COL28A1: variants seen among roughly 807,000 people sequenced by gnomAD.
The protein encoded by COL28A1 is collagen alpha-1(XXVIII) chain.
A neutral mutation model predicts 150.2 loss-of-function variants in COL28A1; 161 were observed. The ratio of observed to expected loss-of-function variants is 1.07; its 90% CI spans 0.94 to 1.22. COL28A1 has a LOEUF of 1.22. COL28A1 is among the 50% of genes most tolerant of loss of function. The probability of loss-of-function intolerance (pLI) is 0.00; values close to 1 mark genes in which losing one functional copy is unlikely to be tolerated. For missense variants in COL28A1, 1,617 were observed against 1,388.3 expected (o/e 1.16, Z -2.62); for synonymous variants, 552 against 469.7 (o/e 1.18, Z -2.26).
At chr7:7,352,324 T>C (rs2128274735), downstream of COL28A1, among the ~76,000 whole-genome samples, 1 of 152,310 alleles carries the variant, frequency 6.6e-6, no homozygotes, top group East Asian at 1.9e-4. Flanking sequence ...GACACAGCTG[T>C]TGTGGCAGAT....
At chr7:7,444,564 T>C in intron 18 of COL28A1, 75 bp from the exon 19 acceptor site, 6 of 1,408,638 alleles carry the variant, frequency 4.3e-6, no homozygotes, top group Non-Finnish European at 5.9e-6. Flanking sequence ...TGGATGTATC[T>C]TACAGTGTCT....
At chr7:7,451,045 G>C (rs1255806587) in intron 18 of COL28A1, among the ~76,000 whole-genome samples, 2 of 152,106 alleles carry the variant, frequency 1.3e-5, no homozygotes, top group Non-Finnish European at 2.9e-5. Flanking sequence ...GATTATGTGT[G>C]AGGAGAGAAG....
At chr7:7,353,954 T>C (rs189054758), downstream of COL28A1, among the ~76,000 whole-genome samples, 37 of 152,126 alleles carry the variant, frequency 2.4e-4, no homozygotes, top group Non-Finnish European at 2.8e-4. Context: ...ACAAAAAATA[T>C]GGTAAAGGCT....
At chr7:7,416,593 T>G (rs1265093455) in intron 27 of COL28A1, among the ~76,000 whole-genome samples, 1 of 152,190 alleles carries the variant, frequency 6.6e-6, no homozygotes, top group Non-Finnish European at 1.5e-5. Flanking sequence ...GAGATTGGTG[T>G]TGTTTATGAG....
chr7:7,501,611 C>G (rs1192097727), intron 11 of COL28A1, among the ~76,000 whole-genome samples: 1 of 152,180 alleles, frequency 6.6e-6, no homozygotes, highest in Non-Finnish European at 1.5e-5. Context: ...TTGATTTATT[C>G]AAAATTAGTT....
intron 21 of COL28A1, 52 bp from the exon 22 acceptor site, chr7:7,437,514 G>A: frequency 6.3e-7 from 1 of 1,579,400 alleles, no homozygotes; most frequent in Non-Finnish European, 8.6e-7. Flanking sequence ...AGCACATATA[G>A]AGACAATATT....
In COL28A1 at chr7:7,518,587, TCTTA is replaced by T. The variant is rs1781543698; in HGVS notation, c.814-754_814-751del. Among the ~76,000 whole-genome samples, 2 of 152,232 alleles carry T rather than the reference TCTTA, an allele frequency of 1.3e-5. 1 individual carries two copies. The highest frequency in any genetic ancestry group is 1.3e-4 in the Admixed American group (2 of 15,280). ...TTAACTTTGTTAGTATTTGAGTACC[TCTTA>T]CTTATTGCCTAATTTTTCCCAAACT... On this transcript the variant is annotated intron_variant, in intron 6 of 34. Transcript: ENST00000399429.
At chr7:7,360,238 T>C in intron 34 of COL28A1, 152 bp downstream of exon 34, 1 of 685,998 alleles carries the variant, frequency 1.5e-6, no homozygotes, top group African/African-American at 1.9e-5. Flanking sequence ...CCTGCTTGTT[T>C]AGAATCATAA....
intron 27 of COL28A1, among the ~76,000 whole-genome samples, chr7:7,385,494 G>A (rs1782130808): frequency 6.6e-6 from 1 of 152,184 alleles, no homozygotes; most frequent in African/African-American, 2.4e-5. Context: ...AGTGAATCCA[G>A]AAAGAATGCC....
intron 23 of COL28A1, among the ~76,000 whole-genome samples, chr7:7,434,979 C>T (rs1259610639): frequency 6.6e-6 from 1 of 152,162 alleles, no homozygotes; most frequent in South Asian, 2.1e-4. Flanking sequence ...AATCTTCCGT[C>T]AGACCTTCAA....
chr7:7,416,842 A>T (rs958918619), intron 27 of COL28A1, among the ~76,000 whole-genome samples: 6 of 152,276 alleles, frequency 3.9e-5, no homozygotes, highest in Admixed American at 2.6e-4. Context: ...TCAACACAGG[A>T]TTTTCACATT....
intron 7 of COL28A1, 47 bp downstream of exon 7, chr7:7,517,749 T>G: frequency 6.2e-7 from 1 of 1,611,852 alleles, no homozygotes; most frequent in South Asian, 1.1e-5. Flanking sequence ...ACAAAATCAG[T>G]AACCTAGGAT....
At chr7:7,397,347 T>G (rs923035108) in intron 27 of COL28A1, among the ~76,000 whole-genome samples, 2 of 152,152 alleles carry the variant, frequency 1.3e-5, no homozygotes, top group East Asian at 3.8e-4. Context: ...TCGGGCCTTA[T>G]ATTCAAGGCC....
chr7:7,395,599 C>G (rs1423003912), intron 27 of COL28A1, among the ~76,000 whole-genome samples: 3 of 152,178 alleles, frequency 2.0e-5, no homozygotes, highest in African/African-American at 4.8e-5. Flanking sequence ...AATGAAACTT[C>G]TGGCTAACCA....
chr7:7,432,667 G>T lies in COL28A1; in HGVS notation c.1894C>A (p.Pro632Thr). 1.2e-6 allele frequency: 2 copies of T among 1,613,930 alleles called. No individual in the cohort carries two copies. Among genetic ancestry groups the T allele is most frequent in the Non-Finnish European group, 1.7e-6 (2 of 1,179,978 alleles). The change falls in exon 24 of 35, where the codon CCA (proline) becomes ACA (threonine). Residue 632 changes from proline to threonine, a missense_variant. Coordinates refer to ENST00000399429, the MANE Select transcript of COL28A1 (RefSeq NM_001037763.3). The part of the protein sequence containing the change: ...VQGPRGPVGA[P>T]GLKGDGYPGV... ...GGATAGCCATCACCTTTGAGTCCTG[G>T]AGCACCCACTGGTCCCCGAGGGCCT... is the stretch of plus-strand genomic sequence containing the variant.
At chr7:7,471,125 T>TAAAAAAAAAAAAAAAA (rs746981344) in intron 15 of COL28A1, among the ~76,000 whole-genome samples, 3 of 88,522 alleles carry the variant, frequency 3.4e-5, no homozygotes, top group South Asian at 3.7e-4. Flanking sequence ...AAAAAATAAT[T>TAAAAAAAAAAAAAAAA]AAAAAAAAAA....
At chr7:7,535,210 T>C (rs1782579253) in intron 1 of COL28A1, among the ~76,000 whole-genome samples, 1 of 152,126 alleles carries the variant, frequency 6.6e-6, no homozygotes, top group South Asian at 2.1e-4. Flanking sequence ...ATTAATCAAA[T>C]ACCGTAGTTT....
chr7:7,439,375 C>A (rs532590725), intron 21 of COL28A1, among the ~76,000 whole-genome samples: 2 of 152,166 alleles, frequency 1.3e-5, no homozygotes, highest in African/African-American at 4.8e-5. Flanking sequence ...AAACCCCATC[C>A]AAGCCTTTGA....
chr7:7,452,003 T>C (rs892960552), intron 18 of COL28A1, among the ~76,000 whole-genome samples: 6 of 152,198 alleles, frequency 3.9e-5, no homozygotes, highest in Non-Finnish European at 5.9e-5. Context: ...TAAGTATTCG[T>C]TCATTTATTC....
Sources: allele counts gnomAD v4.1 joint callset (sites outside exome capture counted in the v4.1 genomes callset), GRCh38; gene constraint gnomAD v4.1.1; transcripts MANE v1.5; gene names NCBI Gene and HGNC (gene_info 2026-07-23, HGNC 2026-07-21).